Variants in ITPR2 observed in about 807,000 individuals in gnomAD.
The protein encoded by ITPR2 is inositol 1,4,5-trisphosphate-gated calcium channel ITPR2.
Under a neutral mutation model 317.1 loss-of-function variants are expected in ITPR2, and 207 were observed. That is an observed-to-expected ratio of 0.65 (90% CI 0.58 to 0.73). The LOEUF (loss-of-function observed/expected upper bound fraction) is 0.73, where lower values mean the gene tolerates loss of function less well. ITPR2 is among the 30% of genes least tolerant of loss of function. ITPR2 has a pLI of 0.00. For missense variants in ITPR2, 2,613 were observed against 3,284.0 expected, an observed-to-expected ratio of 0.80 and a Z score of 4.99; for synonymous variants, 1,156 against 1,149.1, an observed-to-expected ratio of 1.01 and a Z score of -0.12.
At chr12:26,421,047 T>C (rs1049113197) in intron 49 of ITPR2, among the ~76,000 whole-genome samples, 2 of 152,180 alleles carry the variant, frequency 1.3e-5, no homozygotes, top group Non-Finnish European at 2.9e-5. Flanking sequence ...ACATTGTTTA[T>C]ATGATTTCTA....
Position 26,659,164 on chromosome 12 carries a change from G to T in ITPR2, c.1835C>A (p.Ala612Glu). The change falls in exon 16 of 57, where the codon GCA (alanine) becomes GAA (glutamate). Residue 612 changes from alanine to glutamate, a missense_variant. Ala to Glu is a moderately radical substitution (Grantham distance 107). Coordinates refer to ENST00000381340, the MANE Select transcript of ITPR2 (RefSeq NM_002223.4). The stretch of plus-strand genomic sequence containing the variant: ...ACTGACAAATGTTTCTATTTCTTTT[G>T]CTGTGATATGTTTCTCTAGTAGTTT... ...NRKLLEKHIT[A>E]KEIETFVSLL... is the part of the protein sequence containing the mutation. The T allele has an allele frequency of 6.2e-7, 1 of 1,613,350 alleles. No homozygotes were observed. Among genetic ancestry groups the T allele is most frequent in the South Asian group, 1.1e-5 (1 of 91,012 alleles).
intron 9 of ITPR2, among the ~76,000 whole-genome samples, chr12:26,707,375 A>G (rs1325497851): frequency 6.6e-6 from 1 of 152,226 alleles, no homozygotes; most frequent in African/African-American, 2.4e-5. Flanking sequence ...CTGAACAAGT[A>G]AAATAAATCT....
At chr12:26,419,708 T>C (rs1940829912) in intron 49 of ITPR2, 1 of 152,160 alleles carries the variant, frequency 6.6e-6, no homozygotes, top group African/African-American at 2.4e-5. Context: ...ACTTTTATTA[T>C]ATTTTTTATA....
intron 26 of ITPR2, among the ~76,000 whole-genome samples, chr12:26,604,320 T>A (rs1946072132): frequency 6.6e-6 from 1 of 152,112 alleles, no homozygotes; most frequent in Admixed American, 6.5e-5. Flanking sequence ...AGTGACCCCC[T>A]CCTCCCATTT....
chr12:26,445,606 C>A (rs1941592016), intron 45 of ITPR2, among the ~76,000 whole-genome samples: 3 of 152,064 alleles, frequency 2.0e-5, no homozygotes. Flanking sequence ...TCAAATGTAG[C>A]AGGTAAGTCC....
chr12:26,406,115 T>A (rs762328651), intron 52 of ITPR2, among the ~76,000 whole-genome samples: 1 of 151,988 alleles, frequency 6.6e-6, no homozygotes, highest in South Asian at 2.1e-4. Flanking sequence ...AATAAAAATT[T>A]TAACGAGAAA....
chr12:26,339,372 C>A lies in ITPR2; in HGVS notation c.*25G>T. 1 of 1,584,674 alleles carries A rather than the reference C, an allele frequency of 6.3e-7. No individual in the cohort carries two copies. Among genetic ancestry groups the A allele is most frequent in the Non-Finnish European group, 8.7e-7 (1 of 1,153,744 alleles). ...GATCAGGCAGGACACTGATGAAAGG[C>A]TAGTCACGGCTTCCCCCCATGGTAT... On this transcript the variant is annotated 3_prime_UTR_variant, in exon 57 of 57. Coordinates refer to ENST00000381340, the MANE Select transcript of ITPR2 (RefSeq NM_002223.4).
chr12:26,516,265 A>AGGAAAGGAAAGGAAAGGAAG (rs1565574484), intron 37 of ITPR2, among the ~76,000 whole-genome samples: 5 of 34,452 alleles, frequency 1.5e-4, no homozygotes, highest in African/African-American at 4.3e-4. Context: ...AGGAAAGGAA[A>AGGAAAGGAAAGGAAAGGAAG]GGAAAGGAAG....
At chr12:26,351,194 G>A (rs754432048) in intron 55 of ITPR2, among the ~76,000 whole-genome samples, 1 of 152,240 alleles carries the variant, frequency 6.6e-6, no homozygotes, top group Non-Finnish European at 1.5e-5. Context: ...GACCCAACAT[G>A]AGGGTGAGAA....
chr12:26,488,911 T>A (rs1565556090), intron 39 of ITPR2, among the ~76,000 whole-genome samples: 2 of 152,180 alleles, frequency 1.3e-5, no homozygotes, highest in East Asian at 3.8e-4. Flanking sequence ...TTTTATAGAT[T>A]CATAAAATGA....
At chr12:26,559,324 G>A (rs750247417) in intron 35 of ITPR2, among the ~76,000 whole-genome samples, 27 of 152,326 alleles carry the variant, frequency 1.8e-4, no homozygotes, top group Non-Finnish European at 3.4e-4. Flanking sequence ...TAACAAAATA[G>A]CTTAAACTGA....
chr12:26,664,419 G>C (rs1298486625), intron 14 of ITPR2, among the ~76,000 whole-genome samples: 1 of 152,186 alleles, frequency 6.6e-6, no homozygotes, highest in Non-Finnish European at 1.5e-5. Flanking sequence ...ATGGGCAGCT[G>C]GTGGCTCCCA....
intron 45 of ITPR2, among the ~76,000 whole-genome samples, chr12:26,462,276 C>T (rs542574963): frequency 3.3e-5 from 5 of 152,210 alleles, no homozygotes; most frequent in East Asian, 3.9e-4. Context: ...AAGTGATTCT[C>T]GTGCCTCAGC....
At chr12:26,485,653 C>T (rs940114314) in intron 41 of ITPR2, among the ~76,000 whole-genome samples, 3 of 152,204 alleles carry the variant, frequency 2.0e-5, no homozygotes, top group African/African-American at 7.2e-5. Flanking sequence ...ACATCCTCTT[C>T]TATGTTAATT....
At chr12:26,584,384 A>G (rs1945471321) in intron 32 of ITPR2, among the ~76,000 whole-genome samples, 1 of 152,186 alleles carries the variant, frequency 6.6e-6, no homozygotes, top group Admixed American at 6.5e-5. Context: ...TCACCACTGG[A>G]CATGCAGCAC....
intron 2 of ITPR2, among the ~76,000 whole-genome samples, chr12:26,739,534 T>A (rs1949194370): frequency 6.6e-6 from 1 of 152,060 alleles, no homozygotes; most frequent in African/African-American, 2.4e-5. Flanking sequence ...TCTTACTAAG[T>A]GAAAGAAGCC....
intron 36 of ITPR2, among the ~76,000 whole-genome samples, chr12:26,553,779 C>G (rs931902855): frequency 6.8e-6 from 1 of 147,310 alleles, no homozygotes; most frequent in Non-Finnish European, 1.5e-5. Flanking sequence ...AGCAAGACTC[C>G]GTCTCAAAAA....
intron 21 of ITPR2, among the ~76,000 whole-genome samples, chr12:26,646,417 T>A (rs1226667441): frequency 2.0e-5 from 3 of 151,964 alleles, no homozygotes; most frequent in African/African-American, 7.3e-5. Context: ...CACTTCAAGG[T>A]AGATAATGTG....
chr12:26,788,445 A>G (rs1302481648), intron 2 of ITPR2, among the ~76,000 whole-genome samples: 3 of 152,176 alleles, frequency 2.0e-5, no homozygotes, highest in Non-Finnish European at 2.9e-5. Flanking sequence ...TTTTCCTGCT[A>G]CAAATACAGA....
Sources: allele counts gnomAD v4.1 joint callset (sites outside exome capture counted in the v4.1 genomes callset), GRCh38; gene constraint gnomAD v4.1.1; transcripts MANE v1.5; gene names NCBI Gene and HGNC (gene_info 2026-07-23, HGNC 2026-07-21).